The following TOGARAM1 variants were observed in gnomAD, a reference collection of about 807,000 sequenced individuals.
The protein encoded by TOGARAM1 is TOG array regulator of axonemal microtubules 1.
In TOGARAM1, 100 loss-of-function variants were observed where a neutral mutation model predicts 166.6. The ratio of observed to expected loss-of-function variants is 0.60; its 90% CI spans 0.51 to 0.71. The LOEUF (loss-of-function observed/expected upper bound fraction) is 0.71. TOGARAM1 is among the 30% of genes least tolerant of loss of function. The pLI, the probability that TOGARAM1 is intolerant of heterozygous loss-of-function variation, is 0.00. For synonymous variants in TOGARAM1, 758 were observed against 763.8 expected, an observed-to-expected ratio of 0.99 and a Z score of 0.13; for missense variants, 2,029 against 2,102.7, an observed-to-expected ratio of 0.96 and a Z score of 0.69.
At chr14:44,984,156 T>C (rs1386698793) in intron 1 of TOGARAM1, among the ~76,000 whole-genome samples, 1 of 152,182 alleles carries the variant, frequency 6.6e-6, no homozygotes, top group Non-Finnish European at 1.5e-5. Context: ...TACAGATAAA[T>C]GTTACAATGT....
intron 11 of TOGARAM1, among the ~76,000 whole-genome samples, chr14:45,033,042 G>C (rs1353693867): frequency 6.6e-6 from 1 of 152,006 alleles, no homozygotes; most frequent in Non-Finnish European, 1.5e-5. Context: ...ACAAGGTCAG[G>C]AGTTCAAGAC....
At chr14:45,032,485 A>G in intron 11 of TOGARAM1, 109 bp downstream of exon 11, 1 of 1,148,334 alleles carries the variant, frequency 8.7e-7, no homozygotes, top group Non-Finnish European at 1.2e-6. Flanking sequence ...CTTAGAAATG[A>G]TTATTTAGTT....
chr14:45,015,794 A>G, intron 7 of TOGARAM1, among the ~76,000 whole-genome samples: 1 of 152,194 alleles, frequency 6.6e-6, no homozygotes, highest in East Asian at 1.9e-4. Context: ...GCCAGGAAGC[A>G]TGATTCCAGA....
At chr14:45,015,900 A>G (rs959840920) in intron 7 of TOGARAM1, among the ~76,000 whole-genome samples, 1 of 152,192 alleles carries the variant, frequency 6.6e-6, no homozygotes, top group African/African-American at 2.4e-5. Flanking sequence ...AAGATTTAAT[A>G]TCTCTAAATC....
intron 1 of TOGARAM1, among the ~76,000 whole-genome samples, chr14:44,987,869 T>C (rs1249579925): frequency 3.4e-5 from 5 of 149,226 alleles, no homozygotes; most frequent in Non-Finnish European, 5.9e-5. Context: ...TGTCCAACAA[T>C]GATAGACTGG....
chr14:45,003,582 A>G (rs1475182359), intron 3 of TOGARAM1, among the ~76,000 whole-genome samples: 1 of 152,124 alleles, frequency 6.6e-6, no homozygotes, highest in Admixed American at 6.5e-5. Flanking sequence ...AAATACATCA[A>G]GATAGGTTGA....
chr14:45,031,686 G>T (rs969056277), intron 10 of TOGARAM1, among the ~76,000 whole-genome samples: 5 of 152,198 alleles, frequency 3.3e-5, no homozygotes, highest in African/African-American at 1.2e-4. Flanking sequence ...AATATAATTT[G>T]TTAATAATTT....
intron 14 of TOGARAM1, among the ~76,000 whole-genome samples, chr14:45,052,223 A>G (rs1882405905): frequency 6.6e-6 from 1 of 152,226 alleles, no homozygotes; most frequent in Admixed American, 6.5e-5. Flanking sequence ...TTGAAAAATT[A>G]TAAGTCAAAC....
chr14:45,006,940 T>C (rs578056015), intron 5 of TOGARAM1: 1 of 152,264 alleles, frequency 6.6e-6, no homozygotes, highest in African/African-American at 2.4e-5. Context: ...ATAAAAATGT[T>C]ACCAGTATGA....
intron 7 of TOGARAM1, among the ~76,000 whole-genome samples, chr14:45,016,951 G>T (rs1378135237): frequency 1.3e-5 from 2 of 152,040 alleles, no homozygotes; most frequent in Admixed American, 6.6e-5. Context: ...ATATTTTATA[G>T]GGTTTACAAC....
intron 1 of TOGARAM1, among the ~76,000 whole-genome samples, chr14:44,985,689 A>C (rs112926448): frequency 0.041 from 6,279 of 152,276 alleles, 434 homozygotes; most frequent in African/African-American, 0.14. Flanking sequence ...CCCGCCGCTC[A>C]CCTCCTGCTG....
intron 6 of TOGARAM1, among the ~76,000 whole-genome samples, chr14:45,010,228 G>T (rs1209592461): frequency 6.6e-6 from 1 of 152,070 alleles, no homozygotes; most frequent in African/African-American, 2.4e-5. Flanking sequence ...CTGAATTTTT[G>T]TGTTCCATTC....
At chr14:45,036,934 G>A (rs956952132) in intron 11 of TOGARAM1, among the ~76,000 whole-genome samples, 2 of 152,188 alleles carry the variant, frequency 1.3e-5, no homozygotes, top group Non-Finnish European at 2.9e-5. Context: ...GAGACAAAAG[G>A]CACTTCTTAT....
intron 1 of TOGARAM1, 94 bp downstream of exon 1, chr14:44,964,561 C>G: frequency 7.5e-7 from 1 of 1,341,968 alleles, no homozygotes; most frequent in South Asian, 1.5e-5. Flanking sequence ...TTGAGGGAAA[C>G]ATGTTATGCT....
intron 7 of TOGARAM1, among the ~76,000 whole-genome samples, chr14:45,014,203 G>A (rs943010421): frequency 6.6e-6 from 1 of 151,828 alleles, no homozygotes; most frequent in Admixed American, 6.6e-5. Flanking sequence ...CTGCCACTAC[G>A]CCTGGCTAAT....
chr14:45,003,149 G>A (rs982820533), intron 3 of TOGARAM1, among the ~76,000 whole-genome samples: 4 of 152,000 alleles, frequency 2.6e-5, no homozygotes, highest in Non-Finnish European at 5.9e-5. Context: ...ACCTAGATAA[G>A]ATTTTGGTAT....
chr14:45,004,594 GAA>G (rs929148591), intron 4 of TOGARAM1, among the ~76,000 whole-genome samples: 1 of 152,032 alleles, frequency 6.6e-6, no homozygotes, highest in Non-Finnish European at 1.5e-5. Flanking sequence ...TCAGAACCAG[GAA>G]AATAATGATG....
intron 1 of TOGARAM1, among the ~76,000 whole-genome samples, chr14:44,992,710 T>G (rs1394941838): frequency 2.1e-5 from 3 of 146,162 alleles, no homozygotes; most frequent in Non-Finnish European, 3.0e-5. Context: ...CTCCGCCTCC[T>G]GGCTTCACGC....
At chr14:45,026,835 CAA>C (rs57156294) in intron 8 of TOGARAM1, among the ~76,000 whole-genome samples, 9 of 139,620 alleles carry the variant, frequency 6.4e-5, no homozygotes, top group Non-Finnish European at 3.1e-5. Flanking sequence ...CCATCTCTAC[CAA>C]AAAAAAAAAA....
Sources: allele counts gnomAD v4.1 joint callset (sites outside exome capture counted in the v4.1 genomes callset), GRCh38; gene constraint gnomAD v4.1.1; transcripts MANE v1.5; gene names NCBI Gene and HGNC (gene_info 2026-07-23, HGNC 2026-07-21).